HS6ST1: variants seen among roughly 807,000 people sequenced by gnomAD.
HS6ST1 encodes heparan-sulfate 6-O-sulfotransferase 1.
HS6ST1 carries 3 observed loss-of-function variants against 25.2 expected under a neutral mutation model. That is an observed-to-expected ratio of 0.12 (90% CI 0.05 to 0.31). The LOEUF (loss-of-function observed/expected upper bound fraction) is 0.31, where lower values mean the gene tolerates loss of function less well. Ranked by LOEUF, HS6ST1 falls within the 10% of genes least tolerant of loss-of-function variation. The pLI, the probability that HS6ST1 is intolerant of heterozygous loss-of-function variation, is 1.00. For synonymous variants in HS6ST1, 204 were observed against 275.1 expected (o/e 0.74, Z 2.56); for missense variants, 310 against 609.6 (o/e 0.51, Z 5.18).
intron 1 of HS6ST1, among the ~76,000 whole-genome samples, chr2:128,301,261 G>T (rs540807453): frequency 1.1e-4 from 16 of 151,832 alleles, no homozygotes; most frequent in African/African-American, 3.6e-4. Context: ...GTGAGGCAGG[G>T]CTGCATGGCT....
intron 1 of HS6ST1, among the ~76,000 whole-genome samples, chr2:128,316,180 A>C: frequency 6.6e-6 from 1 of 152,226 alleles, no homozygotes; most frequent in East Asian, 1.9e-4. Flanking sequence ...CAGAGAAAGG[A>C]GGCCAAGGCT....
intron 1 of HS6ST1, among the ~76,000 whole-genome samples, chr2:128,295,107 C>T (rs1694022824): frequency 6.6e-6 from 1 of 152,186 alleles, no homozygotes; most frequent in Non-Finnish European, 1.5e-5. Context: ...GATCCAGTGC[C>T]CTCTGAGCCC....
chr2:128,295,278 C>T (rs980452141), intron 1 of HS6ST1, among the ~76,000 whole-genome samples: 2 of 152,232 alleles, frequency 1.3e-5, no homozygotes, highest in African/African-American at 2.4e-5. Flanking sequence ...CTTCTCTCCA[C>T]TTCAGGGCAG....
At chr2:128,289,249 T>TGACCCTGGGGACTCGGG (rs1434840781) in intron 1 of HS6ST1, among the ~76,000 whole-genome samples, 4 of 152,172 alleles carry the variant, frequency 2.6e-5, no homozygotes, top group Non-Finnish European at 4.4e-5. Context: ...ACCTGAGCAG[T>TGACCCTGGGGACTCGGG]GACCCTGGGG....
At chr2:128,280,512 C>A (rs565143458) in intron 1 of HS6ST1, among the ~76,000 whole-genome samples, 2 of 152,242 alleles carry the variant, frequency 1.3e-5, no homozygotes, top group Non-Finnish European at 1.5e-5. Flanking sequence ...TGACCCAGTG[C>A]CGCAGCACCA....
intron 1 of HS6ST1, among the ~76,000 whole-genome samples, chr2:128,303,721 A>G (rs1361125453): frequency 6.6e-6 from 1 of 152,200 alleles, no homozygotes; most frequent in Non-Finnish European, 1.5e-5. Context: ...CCCTTGGGAG[A>G]ACGCTACTGC....
intron 1 of HS6ST1, among the ~76,000 whole-genome samples, chr2:128,278,818 G>T (rs1693735665): frequency 6.6e-6 from 1 of 152,212 alleles, no homozygotes; most frequent in African/African-American, 2.4e-5. Context: ...TCTCGGCAGT[G>T]AGATAATGAA....
At chr2:128,303,684 G>T (rs1242071192) in intron 1 of HS6ST1, among the ~76,000 whole-genome samples, 1 of 152,202 alleles carries the variant, frequency 6.6e-6, no homozygotes, top group African/African-American at 2.4e-5. Context: ...ACATCTGGGA[G>T]GTGCCTAGAA....
chr2:128,303,636 C>T (rs1340276876), intron 1 of HS6ST1, among the ~76,000 whole-genome samples: 1 of 152,202 alleles, frequency 6.6e-6, no homozygotes, highest in Non-Finnish European at 1.5e-5. Context: ...GGCCAACATC[C>T]TTCTGCTTCA....
intron 1 of HS6ST1, among the ~76,000 whole-genome samples, chr2:128,301,512 A>G (rs956136585): frequency 6.6e-6 from 1 of 152,210 alleles, no homozygotes; most frequent in African/African-American, 2.4e-5. Flanking sequence ...CAGCTCTTAA[A>G]GGGACCAGTG....
chr2:128,282,267 G>A (rs1489683992), intron 1 of HS6ST1, among the ~76,000 whole-genome samples: 3 of 152,206 alleles, frequency 2.0e-5, no homozygotes, highest in Non-Finnish European at 2.9e-5. Context: ...CAGTGAAGAC[G>A]CGGCAGTACT....
chr2:128,278,959 C>T (rs1330243849), intron 1 of HS6ST1, among the ~76,000 whole-genome samples: 1 of 152,162 alleles, frequency 6.6e-6, no homozygotes, highest in Non-Finnish European at 1.5e-5. Context: ...TTAAACATTA[C>T]ATAAACAACC....
At chr2:128,299,994 C>T (rs1694099400) in intron 1 of HS6ST1, among the ~76,000 whole-genome samples, 1 of 152,178 alleles carries the variant, frequency 6.6e-6, no homozygotes, top group Non-Finnish European at 1.5e-5. Context: ...TTCCCATCAG[C>T]ACTCAGATTG....
rs920149894 is a variant in HS6ST1, at chr2:128,318,806, C to T, written c.-243G>A. On this transcript the variant is annotated 5_prime_UTR_variant, in exon 1 of 2. Coordinates refer to ENST00000259241, the MANE Select transcript of HS6ST1 (RefSeq NM_004807.3). The surrounding 1 kb of genome is among the most constrained non-coding windows in gnomAD (Gnocchi z 5.7). ...CGGCCCCGCTCCCGGCCCCGGCCAGCACAGCGCTCTCCGCGCCCCCAGCAC... is the reference window on the plus strand; with the variant it reads ...CGGCCCCGCTCCCGGCCCCGGCCAGTACAGCGCTCTCCGCGCCCCCAGCAC... 2.7e-5 allele frequency among the ~76,000 whole-genome samples: 4 copies of T among 147,294 alleles called. No individual in the cohort carries two copies. Among genetic ancestry groups the T allele is most frequent in the African/African-American group, 9.8e-5 (4 of 40,942 alleles).
At chr2:128,281,410 C>CGCCCAGGAGAT (rs1442187925) in intron 1 of HS6ST1, among the ~76,000 whole-genome samples, 3 of 152,192 alleles carry the variant, frequency 2.0e-5, no homozygotes, top group African/African-American at 7.2e-5. Context: ...AGGAGGAAGA[C>CGCCCAGGAGAT]GCCCAGGAGA....
At chr2:128,271,602 C>T (rs1693610531) in intron 1 of HS6ST1, among the ~76,000 whole-genome samples, 1 of 152,218 alleles carries the variant, frequency 6.6e-6, no homozygotes, top group South Asian at 2.1e-4. Context: ...AGTGTTTCTG[C>T]TCAGTTCTGT....
At chr2:128,313,725 A>T (rs1694323804) in intron 1 of HS6ST1, among the ~76,000 whole-genome samples, 1 of 152,062 alleles carries the variant, frequency 6.6e-6, no homozygotes, top group Non-Finnish European at 1.5e-5. Context: ...GGCCCTAGGG[A>T]CCAAGGTGGG....
intron 1 of HS6ST1, among the ~76,000 whole-genome samples, chr2:128,302,834 C>T (rs1694153674): frequency 6.6e-6 from 1 of 152,226 alleles, no homozygotes; most frequent in African/African-American, 2.4e-5. Flanking sequence ...CCTCCCAAGG[C>T]CTCTTTTGGG....
chr2:128,314,929 CG>C (rs1286304571), intron 1 of HS6ST1, among the ~76,000 whole-genome samples: 6 of 152,158 alleles, frequency 3.9e-5, no homozygotes, highest in Non-Finnish European at 8.8e-5. Flanking sequence ...TTCAGGCAGA[CG>C]GGAAGAGGAA....
Sources: gnomAD v4.1 joint callset for allele counts (sites outside exome capture counted in the v4.1 genomes callset) on GRCh38, gnomAD v4.1.1 for gene constraint, Gnocchi (gnomAD v3.1) non-coding constraint, MANE v1.5 for transcripts, NCBI Gene and HGNC (gene_info 2026-07-23, HGNC 2026-07-21) for gene names.